CISD1: variants seen among roughly 807,000 people sequenced by gnomAD.
CISD1 encodes the protein CDGSH iron sulfur domain 1.
A neutral mutation model predicts 12.0 loss-of-function variants in CISD1; 8 were observed. That is an observed-to-expected ratio of 0.67 (90% CI 0.39 to 1.20). The LOEUF is 1.20. Ranked by LOEUF, CISD1 falls within the 50% of genes most tolerant of loss-of-function variation. CISD1 has a pLI of 0.01. For missense variants in CISD1, 107 were observed against 132.7 expected (o/e 0.81, Z 0.95); for synonymous variants, 38 against 42.2 (o/e 0.90, Z 0.39).
chr10:58,282,490 G>C (rs1839384080), intron 2 of CISD1, among the ~76,000 whole-genome samples: 1 of 152,160 alleles, frequency 6.6e-6, no homozygotes, highest in Admixed American at 6.5e-5. Context: ...TTGTTATACT[G>C]TATTGTTTAG....
intron 1 of CISD1, among the ~76,000 whole-genome samples, chr10:58,272,146 A>G (rs1049502587): frequency 6.6e-6 from 1 of 151,292 alleles, no homozygotes; most frequent in Non-Finnish European, 1.5e-5. Flanking sequence ...TGCCTCAGTG[A>G]TATCTGTTGT....
chr10:58,272,291 G>T, intron 1 of CISD1, among the ~76,000 whole-genome samples: 2 of 148,122 alleles, frequency 1.4e-5, no homozygotes, highest in Non-Finnish European at 1.5e-5. Flanking sequence ...GCCTTCCCCT[G>T]AAATCACTTT....
At chr10:58,278,259 AG>A (rs113389408) in intron 2 of CISD1, among the ~76,000 whole-genome samples, 2,756 of 152,272 alleles carry the variant, frequency 0.018, 91 homozygotes, top group African/African-American at 0.06. Context: ...GGATTTCAGC[AG>A]GGCGTGGTGT....
At chr10:58,280,061 A>T (rs1839357016) in intron 2 of CISD1, among the ~76,000 whole-genome samples, 1 of 152,254 alleles carries the variant, frequency 6.6e-6, no homozygotes, top group South Asian at 2.1e-4. Flanking sequence ...TGCTCTGAGA[A>T]AAATTGGTAA....
intron 2 of CISD1, among the ~76,000 whole-genome samples, chr10:58,285,171 A>G (rs953653379): frequency 7.9e-5 from 12 of 152,218 alleles, no homozygotes; most frequent in Non-Finnish European, 1.8e-4. Flanking sequence ...TAAACTTTAC[A>G]TATATTACAT....
Position 58,269,287 on chromosome 10 carries a change from C to A in CISD1, c.14C>A (p.Ser5Tyr), listed in dbSNP as rs751548592. The A allele has an allele frequency of 6.2e-6, 10 of 1,609,046 alleles. No homozygotes were observed. The East Asian group carries it at 1.8e-4, about 29-fold the overall frequency. Residue 5 changes from serine (S) to tyrosine (Y), a missense_variant, in exon 1 of 3, where the codon TCC (serine) becomes TAC (tyrosine). By Grantham distance (144) the Ser-to-Tyr change is moderately radical. Transcript: ENST00000333926. ...AGCGACGGCGCCATGAGTCTGACTT[C>A]CAGTTCCAGCGTACGAGGTGAAGTG... MSLT[S>Y]SSSVRVEWIA...
At chr10:58,280,907 G>A (rs1839366472) in intron 2 of CISD1, among the ~76,000 whole-genome samples, 3 of 152,104 alleles carry the variant, frequency 2.0e-5, no homozygotes, top group African/African-American at 7.2e-5. Context: ...TTTCAACGGA[G>A]TAATTAGAAT....
At chr10:58,270,656 T>G (rs1839235648) in intron 1 of CISD1, among the ~76,000 whole-genome samples, 5 of 152,238 alleles carry the variant, frequency 3.3e-5, no homozygotes, top group Admixed American at 1.3e-4. Flanking sequence ...GTGAAACGGG[T>G]GAACCCCTTA....
chr10:58,280,735 G>C (rs903409955), intron 2 of CISD1, among the ~76,000 whole-genome samples: 3 of 152,212 alleles, frequency 2.0e-5, no homozygotes, highest in Non-Finnish European at 4.4e-5. Flanking sequence ...CATTTAAGGA[G>C]ATGGAATGGG....
chr10:58,280,731 A>G (rs1839364705), intron 2 of CISD1, among the ~76,000 whole-genome samples: 1 of 152,236 alleles, frequency 6.6e-6, no homozygotes, highest in Non-Finnish European at 1.5e-5. Flanking sequence ...GAGCCATTTA[A>G]GGAGATGGAA....
chr10:58,277,016 A>G, intron 1 of CISD1, 101 bp from the exon 2 acceptor site: 2 of 754,382 alleles, frequency 2.7e-6, no homozygotes, highest in Non-Finnish European at 4.4e-6. Context: ...TTGGACTATT[A>G]GGATGCTTAA....
intron 2 of CISD1, among the ~76,000 whole-genome samples, chr10:58,286,810 T>G (rs1450086643): frequency 6.6e-6 from 1 of 152,126 alleles, no homozygotes; most frequent in Non-Finnish European, 1.5e-5. Context: ...CCATGAATGA[T>G]GTTAAAAAGG....
Position 58,269,287 on chromosome 10 carries a change from C to G in CISD1, c.14C>G (p.Ser5Cys), listed in dbSNP as rs751548592. The change falls in exon 1 of 3, where the codon TCC becomes TGC. Residue 5 changes from serine (S) to cysteine (C), a missense_variant. By Grantham distance (112) the Ser-to-Cys change is moderately radical (BLOSUM62 -1). Transcript: ENST00000333926. ...AGCGACGGCGCCATGAGTCTGACTT[C>G]CAGTTCCAGCGTACGAGGTGAAGTG... The part of the protein sequence containing the change: MSLT[S>C]SSSVRVEWIA... 2 of 1,609,164 alleles carry G rather than the reference C, an allele frequency of 1.2e-6. No homozygotes were observed. Among genetic ancestry groups the G allele is most frequent in the South Asian group, 1.1e-5 (1 of 91,052 alleles).
intron 1 of CISD1, chr10:58,276,113 T>G (rs1839312824): frequency 6.6e-6 from 1 of 152,196 alleles, no homozygotes; most frequent in Non-Finnish European, 1.5e-5. Flanking sequence ...AACTTCTTCC[T>G]GCAGCCCACT....
intron 1 of CISD1, among the ~76,000 whole-genome samples, chr10:58,271,363 A>G (rs1839246936): frequency 6.6e-6 from 1 of 152,178 alleles, no homozygotes; most frequent in South Asian, 2.1e-4. Context: ...TTCACCAAAA[A>G]GCATGCAAGT....
intron 2 of CISD1, chr10:58,283,176 G>T (rs1839391740): frequency 6.6e-6 from 1 of 151,946 alleles, no homozygotes. Context: ...GGGGGAAAAA[G>T]AGAAATCCTC....
chr10:58,274,538 AGAAAT>A (rs1166704887), intron 1 of CISD1, among the ~76,000 whole-genome samples: 2 of 151,152 alleles, frequency 1.3e-5, no homozygotes, highest in Admixed American at 6.6e-5. Flanking sequence ...AAAAAAAAAA[AGAAAT>A]GGAAATTGTT....
chr10:58,283,501 T>A (rs1839395449), intron 2 of CISD1, among the ~76,000 whole-genome samples: 1 of 152,186 alleles, frequency 6.6e-6, no homozygotes, highest in Admixed American at 6.5e-5. Context: ...GGCAACTTCC[T>A]TGGGACAGAA....
At chr10:58,274,440 C>CTT (rs34405014) in intron 1 of CISD1, among the ~76,000 whole-genome samples, 1,869 of 79,094 alleles carry the variant, frequency 0.024, 173 homozygotes, top group African/African-American at 0.087. Context: ...AAAATAACAA[C>CTT]TTTTTTTTTT....
Sources: gnomAD v4.1 joint callset for allele counts (sites outside exome capture counted in the v4.1 genomes callset) on GRCh38, gnomAD v4.1.1 for gene constraint, MANE v1.5 for transcripts, NCBI Gene and HGNC (gene_info 2026-07-23, HGNC 2026-07-21) for gene names.